Variants in MDGA2 observed in about 807,000 individuals in gnomAD.
MDGA2 encodes the protein MAM domain containing glycosylphosphatidylinositol anchor 2.
MDGA2 carries 40 observed loss-of-function variants against 117.8 expected under a neutral mutation model. The observed-to-expected ratio is 0.34, with a 90% CI of 0.26 to 0.44. The LOEUF (loss-of-function observed/expected upper bound fraction) is 0.44, where lower values mean the gene tolerates loss of function less well. Ranked by LOEUF, MDGA2 falls within the 20% of genes least tolerant of loss-of-function variation. The probability of loss-of-function intolerance (pLI) is 1.00; values close to 1 mark genes in which losing one functional copy is unlikely to be tolerated. For synonymous variants in MDGA2, 452 were observed against 439.0 expected (o/e 1.03, Z -0.37); for missense variants, 1,123 against 1,250.6 (o/e 0.90, Z 1.54).
intron 14 of MDGA2, among the ~76,000 whole-genome samples, chr14:46,865,655 C>T (rs895962698): frequency 6.6e-6 from 1 of 151,868 alleles, no homozygotes; most frequent in Admixed American, 6.6e-5. Flanking sequence ...TTGTCTCAGC[C>T]CAAAATCTCC....
At chr14:47,560,198 G>C (rs1895770745) in intron 1 of MDGA2, among the ~76,000 whole-genome samples, 1 of 151,768 alleles carries the variant, frequency 6.6e-6, no homozygotes, top group African/African-American at 2.4e-5. Flanking sequence ...CTTCCGAGTA[G>C]CTGGGACTAC....
chr14:47,118,404 T>C (rs949658482), intron 5 of MDGA2, among the ~76,000 whole-genome samples: 7 of 152,228 alleles, frequency 4.6e-5, no homozygotes, highest in African/African-American at 1.7e-4. Context: ...TTAATACTAT[T>C]TTTAAATGAA....
In MDGA2 at chr14:47,491,057, T is replaced by C. The variant is rs370139152; in HGVS notation, c.280+183460A>G. Among the ~76,000 whole-genome samples, 8 of 152,260 alleles carry C rather than the reference T, an allele frequency of 5.3e-5. No individual in the cohort carries two copies. In the East Asian group the frequency reaches 1.4e-3, roughly 26 times the overall value. On this transcript the variant is annotated intron_variant, in intron 1 of 16. Coordinates refer to ENST00000399232, the MANE Select transcript of MDGA2 (RefSeq NM_001113498.3). ...GTAGACAAACAGATAGAGGATTAGATAGATAAACAAATCTAATCACATGCC... is the reference window on the plus strand; with the variant it reads ...GTAGACAAACAGATAGAGGATTAGACAGATAAACAAATCTAATCACATGCC...
chr14:47,615,499 T>C lies in MDGA2; in HGVS notation c.280+59018A>G, dbSNP rs537009933. Among the ~76,000 whole-genome samples the C allele has an allele frequency of 2.6e-5, 4 of 152,308 alleles. No individual in the cohort carries two copies. The East Asian group carries it at 7.7e-4, about 29-fold the overall frequency. On this transcript the variant is annotated intron_variant, in intron 1 of 16. Coordinates refer to ENST00000399232, the MANE Select transcript of MDGA2 (RefSeq NM_001113498.3). ...TAGTAGCCTGGTGTAGTTAAAAGTC[T>C]GAAATGCGGAATGTGCAAGTCTACA...
chr14:46,842,050 A>T, intron 16 of MDGA2, 31 bp from the exon 17 acceptor site: 2 of 1,507,122 alleles, frequency 1.3e-6, no homozygotes, highest in Admixed American at 1.7e-5. Context: ...TGCAAACAAA[A>T]AAAGAAGAAT....
intron 2 of MDGA2, among the ~76,000 whole-genome samples, chr14:47,284,581 C>T (rs768941403): frequency 3.3e-5 from 5 of 152,118 alleles, no homozygotes; most frequent in Non-Finnish European, 5.9e-5. Context: ...CATGCATTCT[C>T]ATTATTTCTC....
At chr14:47,252,590 A>G (rs990825825) in intron 2 of MDGA2, among the ~76,000 whole-genome samples, 3 of 152,202 alleles carry the variant, frequency 2.0e-5, no homozygotes, top group African/African-American at 7.2e-5. Flanking sequence ...CTGCAAATTG[A>G]GACACACTGA....
At position 47,501,195 on chromosome 14, in the gene MDGA2, A is replaced by G. The variant is rs566455458; in HGVS notation, c.280+173322T>C. 3.9e-5 allele frequency among the ~76,000 whole-genome samples: 6 copies of G among 152,278 alleles called. No homozygotes were observed. In the South Asian group the frequency reaches 8.3e-4, roughly 21 times the overall value. ...AAGAGATGATAGTAGAATGGGTTAC[A>G]TGACTTCTTAAGAAATGATTCAGTC... On this transcript the variant is annotated intron_variant, in intron 1 of 16. Transcript: ENST00000399232.
In MDGA2 at chr14:46,893,342, A is replaced by G. The variant is rs142809809; in HGVS notation, c.2239-11121T>C. 8.0e-3 allele frequency among the ~76,000 whole-genome samples: 1,213 copies of G among 152,110 alleles called. 9 individuals are homozygous for G. The highest frequency in any genetic ancestry group is 0.011 in the Non-Finnish European group (719 of 67,888). ...AGAAATAGAACATGGAAAAATGGCT[A>G]CCAGGGGTGTAAGTGTGAGGAAAAT... On this transcript the variant is annotated intron_variant, in intron 10 of 16. Coordinates refer to ENST00000399232, the MANE Select transcript of MDGA2 (RefSeq NM_001113498.3).
intron 1 of MDGA2, among the ~76,000 whole-genome samples, chr14:47,432,188 G>C (rs189025428): frequency 2.5e-3 from 373 of 151,860 alleles, no homozygotes; most frequent in Non-Finnish European, 3.4e-3. Context: ...GGGATTTTTC[G>C]CTCTTAGTTT....
At chr14:47,248,037 A>C (rs1887308423) in intron 2 of MDGA2, among the ~76,000 whole-genome samples, 1 of 151,476 alleles carries the variant, frequency 6.6e-6, no homozygotes, top group Non-Finnish European at 1.5e-5. Flanking sequence ...TTCTTTATCC[A>C]GTCTATCATT....
intron 2 of MDGA2, among the ~76,000 whole-genome samples, chr14:47,235,543 C>A (rs1337578001): frequency 2.0e-5 from 3 of 152,030 alleles, no homozygotes; most frequent in African/African-American, 7.2e-5. Flanking sequence ...TTAAAAAGAC[C>A]AGAGCCTGAA....
At chr14:47,524,654 T>C (rs1894935308) in intron 1 of MDGA2, among the ~76,000 whole-genome samples, 1 of 152,228 alleles carries the variant, frequency 6.6e-6, no homozygotes, top group African/African-American at 2.4e-5. Context: ...TAATAATATA[T>C]GTCCTGTCTT....
intron 5 of MDGA2, among the ~76,000 whole-genome samples, chr14:47,099,895 T>C (rs1479475842): frequency 6.6e-6 from 1 of 152,076 alleles, no homozygotes; most frequent in Non-Finnish European, 1.5e-5. Flanking sequence ...TCTTTTATCA[T>C]TTATTTACCC....
chr14:47,598,169 A>G (rs1251793699), intron 1 of MDGA2, among the ~76,000 whole-genome samples: 2 of 152,206 alleles, frequency 1.3e-5, no homozygotes, highest in African/African-American at 4.8e-5. Context: ...AAGAATAGAA[A>G]ATAACAAATG....
intron 1 of MDGA2, among the ~76,000 whole-genome samples, chr14:47,547,177 CACA>C (rs1402933453): frequency 1.3e-5 from 2 of 152,052 alleles, no homozygotes; most frequent in African/African-American, 4.8e-5. Context: ...ACAGTGACAG[CACA>C]ACAAGATTGA....
chr14:47,642,889 T>C (rs1485347210), intron 1 of MDGA2, among the ~76,000 whole-genome samples: 2 of 152,084 alleles, frequency 1.3e-5, no homozygotes, highest in African/African-American at 4.8e-5. Flanking sequence ...GGAGATAGAT[T>C]GGGTTCAAAC....
At chr14:47,358,585 T>C (rs1891046114) in intron 1 of MDGA2, among the ~76,000 whole-genome samples, 1 of 152,112 alleles carries the variant, frequency 6.6e-6, no homozygotes, top group Non-Finnish European at 1.5e-5. Context: ...CACCAAAACC[T>C]TAAGAATGAA....
At chr14:47,135,151 C>T (rs1052602252) in intron 4 of MDGA2, among the ~76,000 whole-genome samples, 2 of 152,022 alleles carry the variant, frequency 1.3e-5, no homozygotes, top group Non-Finnish European at 2.9e-5. Context: ...CCATACTTCT[C>T]TGCTTATTTC....
Sources: allele counts gnomAD v4.1 joint callset (sites outside exome capture counted in the v4.1 genomes callset), GRCh38; gene constraint gnomAD v4.1.1; transcripts MANE v1.5; gene names NCBI Gene and HGNC (gene_info 2026-07-23, HGNC 2026-07-21).